Variants in RAD52 observed in about 807,000 individuals in gnomAD.
RAD52 encodes DNA repair protein RAD52 homolog.
In RAD52, 47 loss-of-function variants were observed where a neutral mutation model predicts 55.5. That is an observed-to-expected ratio of 0.85 (90% CI 0.67 to 1.08). The LOEUF (loss-of-function observed/expected upper bound fraction) is 1.08, where lower values mean the gene tolerates loss of function less well. RAD52 is among the 50% of genes least tolerant of loss of function. The pLI, the probability that RAD52 is intolerant of heterozygous loss-of-function variation, is 0.00. For missense variants in RAD52, 468 were observed against 522.8 expected (o/e 0.90, Z 1.02); for synonymous variants, 184 against 198.9 (o/e 0.92, Z 0.63).
intron 1 of RAD52, among the ~76,000 whole-genome samples, chr12:980,121 CG>C (rs973233729): frequency 2.0e-5 from 3 of 151,794 alleles, no homozygotes; most frequent in African/African-American, 7.2e-5. Context: ...ACCTGCGAGG[CG>C]GAGGTTGCAG....
chr12:926,035 T>C (rs868378190), intron 6 of RAD52, among the ~76,000 whole-genome samples: 1 of 152,148 alleles, frequency 6.6e-6, no homozygotes, highest in Non-Finnish European at 1.5e-5. Context: ...ATGGTTTGGA[T>C]GTTTATCCCC....
At chr12:987,741 T>C (rs554920848) in intron 1 of RAD52, among the ~76,000 whole-genome samples, 1 of 152,254 alleles carries the variant, frequency 6.6e-6, no homozygotes, top group East Asian at 1.9e-4. Context: ...TTGTATTTTT[T>C]TGTAGAAAAA....
At chr12:935,911 G>A (rs2154115995) in intron 1 of RAD52, among the ~76,000 whole-genome samples, 1 of 148,214 alleles carries the variant, frequency 6.7e-6, no homozygotes, top group Non-Finnish European at 1.5e-5. Flanking sequence ...TAGAGACGGG[G>A]TTTCACCATG....
At chr12:948,645 G>C (rs1426530706) in intron 1 of RAD52, among the ~76,000 whole-genome samples, 1 of 151,836 alleles carries the variant, frequency 6.6e-6, no homozygotes, top group African/African-American at 2.4e-5. Context: ...GCAACAGAGC[G>C]AGACTATGTC....
At chr12:925,554 A>G (rs757281589) in intron 6 of RAD52, 29 bp from the exon 7 acceptor site, 1 of 1,545,848 alleles carries the variant, frequency 6.5e-7, no homozygotes, top group East Asian at 2.2e-5. Flanking sequence ...AAGGTGAAAC[A>G]GGGTTAAGAA....
intron 1 of RAD52, among the ~76,000 whole-genome samples, chr12:973,804 T>TTTTTTTTTTTC: frequency 6.8e-6 from 1 of 146,894 alleles, no homozygotes; most frequent in African/African-American, 2.6e-5. Flanking sequence ...TTTTTTTTTT[T>TTTTTTTTTTTC]AAGAAATGTG....
chr12:948,228 G>A (rs11064612), intron 1 of RAD52, among the ~76,000 whole-genome samples: 4,226 of 152,244 alleles, frequency 0.028, 127 homozygotes, highest in African/African-American at 0.069. Context: ...GTATAATACA[G>A]TACTGAGAAT....
rs764808300 is a variant in RAD52, at chr12:914,479, G to T, written c.919C>A (p.Pro307Thr). The T allele has an allele frequency of 3.1e-6, 5 of 1,613,686 alleles. No individual in the cohort carries two copies. Among genetic ancestry groups the T allele is most frequent in the Non-Finnish European group, 4.2e-6 (5 of 1,179,820 alleles). The change falls in exon 10 of 12, where the codon CCA becomes ACA. Residue 307 changes from proline (P) to threonine (T), a missense_variant. Physicochemically the swap from Pro to Thr is conservative, Grantham distance 38 (BLOSUM62 -1). Coordinates refer to ENST00000358495, the MANE Select transcript of RAD52 (RefSeq NM_134424.4). ...THSTPVTVSE[P>T]LLEKDFLAGV... ...GCAAGGAAGTCTTTCTCCAGGAGTG[G>T]TTCTGAGACAGTTACAGGAGTGCTG...
At chr12:914,179 G>A (rs1956235899) in intron 10 of RAD52, 58 bp from the exon 11 acceptor site, 1 of 1,512,296 alleles carries the variant, frequency 6.6e-7, no homozygotes, top group South Asian at 1.2e-5. Context: ...CTCACAGAAA[G>A]CACTGGAAAA....
At chr12:974,047 T>A (rs911620060) in intron 1 of RAD52, 1 of 152,012 alleles carries the variant, frequency 6.6e-6, no homozygotes. Context: ...AGAGAGGAAA[T>A]TAAGGAGGAC....
upstream of RAD52, among the ~76,000 whole-genome samples, chr12:953,261 G>C (rs1443578478): frequency 6.6e-6 from 1 of 151,572 alleles, no homozygotes; most frequent in Non-Finnish European, 1.5e-5. Flanking sequence ...CCAAGATTGT[G>C]CCATTGCACT....
At chr12:980,697 G>A (rs745395225) in intron 1 of RAD52, among the ~76,000 whole-genome samples, 1 of 151,196 alleles carries the variant, frequency 6.6e-6, no homozygotes, top group Non-Finnish European at 1.5e-5. Context: ...CGCCTCCTGG[G>A]TTCAGGCCTC....
At chr12:978,563 G>A (rs942231432) in intron 1 of RAD52, among the ~76,000 whole-genome samples, 3 of 152,156 alleles carry the variant, frequency 2.0e-5, no homozygotes, top group African/African-American at 7.2e-5. Flanking sequence ...CATTTTGGGA[G>A]TCCAAGGTGG....
intron 7 of RAD52, 116 bp downstream of exon 7, chr12:925,334 G>A (rs1324806522): frequency 8.4e-6 from 7 of 833,644 alleles, no homozygotes; most frequent in South Asian, 7.3e-5. Context: ...CAACATTCCC[G>A]ACCCTCTAAA....
intron 1 of RAD52, chr12:974,368 T>C (rs986170419): frequency 9.9e-5 from 15 of 152,210 alleles, no homozygotes; most frequent in Non-Finnish European, 1.5e-4. Context: ...CAGGTTTTTT[T>C]CTTCTCTAGT....
At chr12:914,387 G>C (rs777985378) in intron 10 of RAD52, 44 bp downstream of exon 10, 16 of 1,607,236 alleles carry the variant, frequency 1.0e-5, no homozygotes, top group Non-Finnish European at 1.4e-5. Flanking sequence ...GTGGCTACTA[G>C]AAACATACAG....
At chr12:927,805 G>A (rs1957120630) in intron 5 of RAD52, among the ~76,000 whole-genome samples, 1 of 152,028 alleles carries the variant, frequency 6.6e-6, no homozygotes, top group African/African-American at 2.4e-5. Context: ...GGCAGAGGTT[G>A]CAGTGAGCCG....
intron 1 of RAD52, among the ~76,000 whole-genome samples, chr12:979,612 G>A (rs1958983553): frequency 6.6e-6 from 1 of 152,172 alleles, no homozygotes; most frequent in Non-Finnish European, 1.5e-5. Flanking sequence ...AGGACACAGT[G>A]AGAAGATGGC....
intron 9 of RAD52, among the ~76,000 whole-genome samples, chr12:915,965 C>T (rs1039151020): frequency 1.3e-5 from 2 of 152,156 alleles, no homozygotes; most frequent in Non-Finnish European, 2.9e-5. Context: ...GATCCGCCCA[C>T]CTTGGCCTCC....
Sources: gnomAD v4.1 joint callset for allele counts (sites outside exome capture counted in the v4.1 genomes callset) on GRCh38, gnomAD v4.1.1 for gene constraint, MANE v1.5 for transcripts, NCBI Gene and HGNC (gene_info 2026-07-23, HGNC 2026-07-21) for gene names.